The following ZKSCAN1 variants were observed in gnomAD, a reference collection of about 807,000 sequenced individuals.
The protein encoded by ZKSCAN1 is zinc finger with KRAB and SCAN domains 1, also known as zinc finger protein with KRAB and SCAN domains 1.
ZKSCAN1 carries 14 observed loss-of-function variants against 51.6 expected under a neutral mutation model. The observed-to-expected ratio is 0.27, with a 90% CI of 0.18 to 0.42. The LOEUF (loss-of-function observed/expected upper bound fraction) is 0.42. Among genes scored for constraint, ZKSCAN1 ranks in the 10% least tolerant of loss-of-function variants. ZKSCAN1 has a pLI of 1.00. For synonymous variants in ZKSCAN1, 263 were observed against 261.5 expected (o/e 1.01, Z -0.06); for missense variants, 531 against 710.0 (o/e 0.75, Z 2.86).
In ZKSCAN1 at chr7:100,037,947, G is replaced by C; in HGVS notation, c.*3750G>C. 1 of 889,428 alleles carries C rather than the reference G, an allele frequency of 1.1e-6. No homozygotes were observed. Among genetic ancestry groups the C allele is most frequent in the South Asian group, 5.2e-5 (1 of 19,262 alleles). The allele number at this position is 889,428 out of a possible 1,614,324, so 55.1% of individuals were successfully genotyped here. A position where few individuals can be genotyped will look rare whatever the true frequency, so the allele number is the denominator to read the frequency against. On this transcript the variant is annotated 3_prime_UTR_variant, in exon 6 of 6. Transcript: ENST00000324306. ...AGGCAGGAGAATGGCTTGAACCTGC[G>C]AGGCGGAGGTTGCAGTGAGCTAAGA... is the stretch of plus-strand genomic sequence containing the variant.
intron 3 of ZKSCAN1, among the ~76,000 whole-genome samples, chr7:100,026,451 A>T (rs1790841126): frequency 6.6e-6 from 1 of 152,060 alleles, no homozygotes; most frequent in Admixed American, 6.6e-5. Flanking sequence ...TAAATCAGCC[A>T]GGCATGGTGG....
At chr7:100,027,178 T>C (rs1387187844) in intron 3 of ZKSCAN1, among the ~76,000 whole-genome samples, 2 of 151,816 alleles carry the variant, frequency 1.3e-5, no homozygotes, top group Non-Finnish European at 2.9e-5. Flanking sequence ...ACACCTGTAA[T>C]CGCAGCTACT....
At position 100,039,461 on chromosome 7, in the gene ZKSCAN1, C is replaced by G; in HGVS notation, c.*5264C>G. 1.0e-6 allele frequency: 1 copy of G among 985,414 alleles called. No homozygotes were observed. Among genetic ancestry groups the G allele is most frequent in the Non-Finnish European group, 1.2e-6 (1 of 829,932 alleles). 61.0% of individuals were successfully genotyped at this position (985,414 alleles called of 1,614,324 possible). On this transcript the variant is annotated 3_prime_UTR_variant, in exon 6 of 6. Coordinates refer to ENST00000324306, the MANE Select transcript of ZKSCAN1 (RefSeq NM_003439.4). The stretch of plus-strand genomic sequence containing the variant: ...CTCGGGAAGCATTTTGCAATATTCC[C>G]TTTGGCTGTGTTCCTGTGTTCCCTG...
At position 100,033,742 on chromosome 7, in the gene ZKSCAN1, G is replaced by A. The variant is rs1254346447; in HGVS notation, c.1237G>A (p.Ala413Thr). Residue 413 changes from alanine to threonine, a missense_variant, in exon 6 of 6, where the codon GCC (alanine) becomes ACC (threonine). Around this residue, in one of 2 missense-constraint regions of ZKSCAN1, gnomAD observed 128 missense variants for 219.5 expected, o/e 0.58. Coordinates refer to ENST00000324306, the MANE Select transcript of ZKSCAN1 (RefSeq NM_003439.4). This position sits in a 1 kb window ranked among gnomAD's most constrained non-coding sequence, Gnocchi z 4.1. ...KPYECSECGKAFSLNSNLVLH... is the reference protein window; with the variant it reads ...KPYECSECGKTFSLNSNLVLH... ...CTATGAATGTAGTGAGTGTGGGAAA[G>A]CCTTCAGTCTTAACTCCAACCTTGT... The A allele has an allele frequency of 1.2e-6, 2 of 1,614,102 alleles. No individual in the cohort carries two copies. Among genetic ancestry groups the A allele is most frequent in the African/African-American group, 2.7e-5 (2 of 74,922 alleles).
chr7:100,042,947 G>A (rs145702809), downstream of ZKSCAN1, among the ~76,000 whole-genome samples: 2,272 of 151,920 alleles, frequency 0.015, 45 homozygotes, highest in African/African-American at 0.049. Flanking sequence ...ACAGGCGCCC[G>A]CCACTGTGCC....
chr7:100,037,133 G>C lies in ZKSCAN1; in HGVS notation c.*2936G>C. Reference sequence around the variant, plus strand: ...GATGCTCAGTGCAAAGTGTAATTGGGTCATGGTCAAAAACGCTTGCAACAT... The same window carrying C: ...GATGCTCAGTGCAAAGTGTAATTGGCTCATGGTCAAAAACGCTTGCAACAT... On this transcript the variant is annotated 3_prime_UTR_variant, in exon 6 of 6. Coordinates refer to ENST00000324306, the MANE Select transcript of ZKSCAN1 (RefSeq NM_003439.4). 1.0e-6 allele frequency: 1 copy of C among 985,400 alleles called. No individual in the cohort carries two copies. The highest frequency in any genetic ancestry group is 1.1e-4 in the East Asian group (1 of 8,812). The allele number at this position is 985,400 out of a possible 1,614,324, so 61.0% of individuals were successfully genotyped here.
intron 1 of ZKSCAN1, 79 bp from the exon 2 acceptor site, chr7:100,023,340 G>C (rs1469130516): frequency 2.7e-6 from 2 of 744,108 alleles, no homozygotes; most frequent in African/African-American, 3.5e-5. Flanking sequence ...GCCTCGATGT[G>C]CTGCCTCCTA....
chr7:100,026,318 G>T (rs1364490204), intron 3 of ZKSCAN1, among the ~76,000 whole-genome samples: 1 of 151,270 alleles, frequency 6.6e-6, no homozygotes, highest in Non-Finnish European at 1.5e-5. Flanking sequence ...TGCTCTGGAT[G>T]AGTCAGTGAG....
In ZKSCAN1 at chr7:100,035,999, T is replaced by C; in HGVS notation, c.*1802T>C. Reference sequence around the variant, plus strand: ...CTCCCCATAACAAGAGAACCCCATATATAGTTTGAGACTTTCCCTTGAGAA... The same window carrying C: ...CTCCCCATAACAAGAGAACCCCATACATAGTTTGAGACTTTCCCTTGAGAA... On this transcript the variant is annotated 3_prime_UTR_variant, in exon 6 of 6. Coordinates refer to ENST00000324306, the MANE Select transcript of ZKSCAN1 (RefSeq NM_003439.4). 4 of 985,446 alleles carry C rather than the reference T, an allele frequency of 4.1e-6. No individual in the cohort carries two copies. The South Asian group carries it at 1.4e-4, about 35-fold the overall frequency. 61.0% of individuals were successfully genotyped at this position (985,446 alleles called of 1,614,324 possible).
In ZKSCAN1 at chr7:100,040,907, G is replaced by A. The variant is rs1791568052; in HGVS notation, c.*6710G>A. 1.0e-6 allele frequency: 1 copy of A among 985,438 alleles called. No individual in the cohort carries two copies. Among genetic ancestry groups the A allele is most frequent in the South Asian group, 4.7e-5 (1 of 21,288 alleles). The allele number at this position is 985,438 out of a possible 1,614,324, so 61.0% of individuals were successfully genotyped here. ...TCTTATTTGAAAACATCTATGATGGGGGTGGGGTGGGAGGAGACAGGTTGT... is the reference window on the plus strand; with the variant it reads ...TCTTATTTGAAAACATCTATGATGGAGGTGGGGTGGGAGGAGACAGGTTGT... On this transcript the variant is annotated 3_prime_UTR_variant, in exon 6 of 6. Coordinates refer to ENST00000324306, the MANE Select transcript of ZKSCAN1 (RefSeq NM_003439.4).
At position 100,033,565 on chromosome 7, in the gene ZKSCAN1, T is replaced by C; in HGVS notation, c.1060T>C (p.Leu354=). 3 of 1,613,778 alleles carry C rather than the reference T, an allele frequency of 1.9e-6. No individual in the cohort carries two copies. The highest frequency in any genetic ancestry group is 2.5e-6 in the Non-Finnish European group (3 of 1,179,814). Residue 354 remains leucine, a synonymous_variant, in exon 6 of 6, where the codon TTG becomes CTG. Coordinates refer to ENST00000324306, the MANE Select transcript of ZKSCAN1 (RefSeq NM_003439.4). The surrounding 1 kb of genome is among the most constrained non-coding windows in gnomAD (Gnocchi z 4.1). ...ERGPREKGKG[L]GRSFSLSSNF... is the part of the protein sequence containing the mutation. ...AGGTCCAAGGGAGAAGGGGAAAGGA[T>C]TGGGAAGAAGCTTCAGTCTGAGCTC...
chr7:100,015,646 C>G lies in ZKSCAN1; in HGVS notation c.-169C>G, dbSNP rs1790325815. ...CGTCGGGAGGGCCTAAGTCCGTGTG[C>G]GGTGCCCTTCGGCCGGCCTGAGCCC... On this transcript the variant is annotated 5_prime_UTR_variant, in exon 1 of 6. Coordinates refer to ENST00000324306, the MANE Select transcript of ZKSCAN1 (RefSeq NM_003439.4). The G allele has an allele frequency of 6.6e-6, 1 of 151,872 alleles. No homozygotes were observed. The highest frequency in any genetic ancestry group is 1.5e-5 in the Non-Finnish European group (1 of 68,022). The allele number at this position is 151,872 out of a possible 1,614,324, so 9.4% of individuals were successfully genotyped here. A position where few individuals can be genotyped will look rare whatever the true frequency, so the allele number is the denominator to read the frequency against.
rs1000505166 is a variant in ZKSCAN1, at chr7:100,015,638, T to A, written c.-177T>A. On this transcript the variant is annotated 5_prime_UTR_variant, in exon 1 of 6. Coordinates refer to ENST00000324306, the MANE Select transcript of ZKSCAN1 (RefSeq NM_003439.4). ...TGTCGAGGCGTCGGGAGGGCCTAAG[T>A]CCGTGTGCGGTGCCCTTCGGCCGGC... The A allele has an allele frequency of 6.6e-6, 1 of 152,178 alleles. No individual in the cohort carries two copies. Among genetic ancestry groups the A allele is most frequent in the Non-Finnish European group, 1.5e-5 (1 of 68,086 alleles). 9.4% of individuals were successfully genotyped at this position (152,178 alleles called of 1,614,324 possible).
downstream of ZKSCAN1, among the ~76,000 whole-genome samples, chr7:100,042,794 T>G (rs1481032470): frequency 3.4e-5 from 5 of 148,850 alleles, no homozygotes; most frequent in African/African-American, 1.2e-4. Context: ...AGGTAATTTT[T>G]GGGTTTTTTT....
intron 5 of ZKSCAN1, among the ~76,000 whole-genome samples, chr7:100,032,970 T>C (rs1440203624): frequency 6.7e-6 from 1 of 148,766 alleles, no homozygotes; most frequent in Non-Finnish European, 1.5e-5. Context: ...ATCACGCCAT[T>C]GCACTCCAGC....
At position 100,041,471 on chromosome 7, in the gene ZKSCAN1, A is replaced by G. The variant is rs1791590317; in HGVS notation, c.*7274A>G. 1.0e-6 allele frequency: 1 copy of G among 985,330 alleles called. No homozygotes were observed. Among genetic ancestry groups the G allele is most frequent in the African/African-American group, 1.7e-5 (1 of 57,244 alleles). 61.0% of individuals were successfully genotyped at this position (985,330 alleles called of 1,614,324 possible). A position where few individuals can be genotyped will look rare whatever the true frequency, so the allele number is the denominator to read the frequency against. The stretch of plus-strand genomic sequence containing the variant: ...TAAAAGTAACCATTGGAAACCTCGA[A>G]TGAGGGCTAAAGTTTTAATCATAAG... On this transcript the variant is annotated 3_prime_UTR_variant, in exon 6 of 6. Coordinates refer to ENST00000324306, the MANE Select transcript of ZKSCAN1 (RefSeq NM_003439.4).
In ZKSCAN1 at chr7:100,037,085, A is replaced by G. The variant is rs963999639; in HGVS notation, c.*2888A>G. On this transcript the variant is annotated 3_prime_UTR_variant, in exon 6 of 6. Coordinates refer to ENST00000324306, the MANE Select transcript of ZKSCAN1 (RefSeq NM_003439.4). ...CAGGCTACAACTGTTTATTAAAACC[A>G]CTTGCAGTGCATTCGTTTATCAGAT... 1.0e-6 allele frequency: 1 copy of G among 985,316 alleles called. No individual in the cohort carries two copies. The highest frequency in any genetic ancestry group is 1.7e-5 in the African/African-American group (1 of 57,240). The allele number at this position is 985,316 out of a possible 1,614,324, so 61.0% of individuals were successfully genotyped here.
downstream of ZKSCAN1, among the ~76,000 whole-genome samples, chr7:100,042,015 A>ACT (rs1231282516): frequency 6.6e-6 from 1 of 151,892 alleles, no homozygotes; most frequent in East Asian, 1.9e-4. Flanking sequence ...ATAACAACAG[A>ACT]CTCTTTAAGA....
chr7:100,041,712 T>C, downstream of ZKSCAN1: 1 of 985,380 alleles, frequency 1.0e-6, no homozygotes, highest in Non-Finnish European at 1.2e-6. Context: ...GTTTGTTTTT[T>C]GTTCTTTGTT....
Sources: gnomAD v4.1 joint callset for allele counts (sites outside exome capture counted in the v4.1 genomes callset) on GRCh38, gnomAD v4.1.1 for gene constraint, gnomAD v4.1.1 regional missense constraint, Gnocchi (gnomAD v3.1) non-coding constraint, MANE v1.5 for transcripts, NCBI Gene and HGNC (gene_info 2026-07-23, HGNC 2026-07-21) for gene names.